Variants in FSTL4 observed in about 807,000 individuals in gnomAD.
The protein encoded by FSTL4 is follistatin-related protein 4.
Under a neutral mutation model 78.2 loss-of-function variants are expected in FSTL4, and 28 were observed. The observed-to-expected ratio is 0.36, with a 90% CI of 0.27 to 0.49. The LOEUF (loss-of-function observed/expected upper bound fraction) is 0.49, where lower values mean the gene tolerates loss of function less well. Among genes scored for constraint, FSTL4 ranks in the 20% least tolerant of loss-of-function variants. FSTL4 has a pLI of 0.98. For missense variants in FSTL4, 922 were observed against 1,084.9 expected (o/e 0.85, Z 2.11); for synonymous variants, 422 against 440.5 (o/e 0.96, Z 0.53).
At chr5:133,563,718 T>G (rs1759969691) in intron 3 of FSTL4, among the ~76,000 whole-genome samples, 1 of 152,196 alleles carries the variant, frequency 6.6e-6, no homozygotes, top group South Asian at 2.1e-4. Flanking sequence ...ATGCCTGCCC[T>G]GAGATGGTTA....
At chr5:133,623,067 G>A in the FSTL4 span, among the ~76,000 whole-genome samples, 2 of 151,242 alleles carry the variant, frequency 1.3e-5, no homozygotes, top group Non-Finnish European at 2.9e-5. Flanking sequence ...TTTTATACAA[G>A]GTCTGAGACT....
chr5:133,573,620 A>G lies in FSTL4; in HGVS notation c.127-6401T>C, dbSNP rs138568388. ...GAGGAGAATTTTTTTAACCCACAAT[A>G]ATGGTTGGAAAATTTAAAAAATCTC... On this transcript the variant is annotated intron_variant, in intron 2 of 15. Transcript: ENST00000265342. 1.7e-3 allele frequency among the ~76,000 whole-genome samples: 257 copies of G among 152,328 alleles called. 1 individual carries two copies. Among genetic ancestry groups the G allele is most frequent in the African/African-American group, 6.0e-3 (251 of 41,572 alleles).
intron 3 of FSTL4, among the ~76,000 whole-genome samples, chr5:133,414,004 T>A (rs73788077): frequency 1.3e-5 from 2 of 152,208 alleles, no homozygotes; most frequent in African/African-American, 4.8e-5. Context: ...GGTTCTTACA[T>A]GGCATTCTCC....
intron 3 of FSTL4, among the ~76,000 whole-genome samples, chr5:133,454,519 G>A (rs1757444509): frequency 6.6e-6 from 1 of 152,222 alleles, no homozygotes; most frequent in Admixed American, 6.5e-5. Context: ...GATCTCATAA[G>A]CTCACAGAGG....
the FSTL4 span, among the ~76,000 whole-genome samples, chr5:133,667,455 C>T: frequency 6.6e-6 from 1 of 152,158 alleles, no homozygotes; most frequent in Admixed American, 6.5e-5. Context: ...CCTTTGTGGC[C>T]TCCCATCCCA....
chr5:133,398,031 C>T (rs576681882), intron 4 of FSTL4, among the ~76,000 whole-genome samples: 2 of 152,082 alleles, frequency 1.3e-5, no homozygotes, highest in African/African-American at 2.4e-5. Context: ...TTCTTTATAT[C>T]CTCCTTTGTT....
chr5:133,724,312 AGAT>A, the FSTL4 span, among the ~76,000 whole-genome samples: 1 of 152,150 alleles, frequency 6.6e-6, no homozygotes, highest in African/African-American at 2.4e-5. Flanking sequence ...CTTGGTTCCA[AGAT>A]GATCCTAACT....
chr5:133,737,225 C>T, the FSTL4 span, among the ~76,000 whole-genome samples: 1 of 151,936 alleles, frequency 6.6e-6, no homozygotes, highest in East Asian at 1.9e-4. Context: ...TTTTTGTACC[C>T]ATTAACCCTC....
intron 4 of FSTL4, among the ~76,000 whole-genome samples, chr5:133,336,238 G>A (rs1754459887): frequency 6.6e-6 from 1 of 152,232 alleles, no homozygotes; most frequent in African/African-American, 2.4e-5. Flanking sequence ...GAGGAGGCAA[G>A]GGTGGGGTGG....
rs187103623 is a variant in FSTL4, at chr5:133,241,533, A to G, written c.894+7877T>C. ...CACTTGTCCACCCTTAGAGGCCAGCAGGCAAATACCTCTTGACATGCCAGG... is the reference window on the plus strand; with the variant it reads ...CACTTGTCCACCCTTAGAGGCCAGCGGGCAAATACCTCTTGACATGCCAGG... On this transcript the variant is annotated intron_variant, in intron 7 of 15. Transcript: ENST00000265342. Among the ~76,000 whole-genome samples the G allele has an allele frequency of 6.2e-3, 950 of 152,358 alleles. 21 individuals carry two copies. The highest frequency in any genetic ancestry group is 1.0e-2 in the Non-Finnish European group (678 of 68,028).
chr5:133,282,905 T>C (rs1012794664), intron 6 of FSTL4, among the ~76,000 whole-genome samples: 2 of 152,224 alleles, frequency 1.3e-5, no homozygotes, highest in African/African-American at 4.8e-5. Context: ...AAACAAATAC[T>C]ACAGTCTTGC....
chr5:133,343,389 G>A (rs1021937955), intron 4 of FSTL4, among the ~76,000 whole-genome samples: 1 of 152,176 alleles, frequency 6.6e-6, no homozygotes, highest in Admixed American at 6.5e-5. Context: ...GGCTCCCTGG[G>A]AGGCTGGCCC....
chr5:133,665,471 C>T, the FSTL4 span, among the ~76,000 whole-genome samples: 2 of 152,174 alleles, frequency 1.3e-5, no homozygotes, highest in East Asian at 3.8e-4. Flanking sequence ...GCAAGAGTAA[C>T]ACAGAAGTAA....
At chr5:133,205,333 G>A (rs930437538) in intron 14 of FSTL4, among the ~76,000 whole-genome samples, 3 of 152,130 alleles carry the variant, frequency 2.0e-5, no homozygotes, top group Non-Finnish European at 4.4e-5. Context: ...CTGGGAATGT[G>A]TTCCCTGCTT....
chr5:133,803,984 C>G, the FSTL4 span, among the ~76,000 whole-genome samples: 77 of 152,264 alleles, frequency 5.1e-4, no homozygotes, highest in African/African-American at 1.8e-3. Context: ...GTTTCCTCTG[C>G]GAATCTCCTG....
chr5:133,791,406 T>C, the FSTL4 span, among the ~76,000 whole-genome samples: 40 of 152,210 alleles, frequency 2.6e-4, no homozygotes, highest in African/African-American at 8.9e-4. Flanking sequence ...ATTTGTTTAT[T>C]GTCTGCTTCC....
chr5:133,229,717 G>A (rs1431865353), intron 8 of FSTL4, among the ~76,000 whole-genome samples: 2 of 152,220 alleles, frequency 1.3e-5, no homozygotes, highest in Non-Finnish European at 2.9e-5. Context: ...AGAGCTGAGG[G>A]CGTTCTGAGT....
At chr5:133,746,321 G>T in the FSTL4 span, among the ~76,000 whole-genome samples, 2 of 152,126 alleles carry the variant, frequency 1.3e-5, no homozygotes, top group African/African-American at 4.8e-5. Flanking sequence ...GCCTAGTGGA[G>T]ATTATAAACA....
the FSTL4 span, among the ~76,000 whole-genome samples, chr5:133,683,085 C>T: frequency 6.6e-6 from 1 of 150,950 alleles, no homozygotes; most frequent in African/African-American, 2.4e-5. Context: ...TTGACATGGT[C>T]CATATTTTCC....
Sources: allele counts gnomAD v4.1 joint callset (sites outside exome capture counted in the v4.1 genomes callset), GRCh38; gene constraint gnomAD v4.1.1; transcripts MANE v1.5; gene names NCBI Gene and HGNC (gene_info 2026-07-23, HGNC 2026-07-21).